SYTL3: variants seen among roughly 807,000 people sequenced by gnomAD.
SYTL3 encodes synaptotagmin like 3.
In SYTL3, 88 loss-of-function variants were observed where a neutral mutation model predicts 82.1. The observed-to-expected ratio is 1.07, with a 90% confidence interval of 0.90 to 1.28. The LOEUF is 1.28. Ranked by LOEUF, SYTL3 falls within the 50% of genes most tolerant of loss-of-function variation. The pLI is 0.00. For missense variants in SYTL3, 831 were observed against 757.6 expected, an observed-to-expected ratio of 1.10 and a Z score of -1.14; for synonymous variants, 311 against 289.4, an observed-to-expected ratio of 1.07 and a Z score of -0.76.
At chr6:158,734,720 G>A (rs1023634707) in intron 11 of SYTL3, among the ~76,000 whole-genome samples, 4 of 152,034 alleles carry the variant, frequency 2.6e-5, no homozygotes, top group Admixed American at 2.6e-4. Flanking sequence ...TCATCTGTTG[G>A]GTATTGTCTG....
intron 13 of SYTL3, among the ~76,000 whole-genome samples, chr6:158,754,093 G>A (rs558306522): frequency 1.0e-3 from 157 of 152,258 alleles, no homozygotes; most frequent in African/African-American, 3.4e-3. Context: ...GACCTGAGGT[G>A]AGCCATCAGA....
intron 6 of SYTL3, among the ~76,000 whole-genome samples, chr6:158,699,621 GACTC>G (rs1181973378): frequency 6.6e-6 from 1 of 152,042 alleles, no homozygotes; most frequent in African/African-American, 2.4e-5. Flanking sequence ...TAGAGGTTGT[GACTC>G]ACTTATTCTT....
At chr6:158,663,491 G>C (rs563983130) in intron 4 of SYTL3, 113 bp downstream of exon 4, 11 of 1,497,168 alleles carry the variant, frequency 7.3e-6, no homozygotes, top group South Asian at 2.6e-5. Context: ...CTGCTGCTGG[G>C]CTTCGTGCCT....
intron 5 of SYTL3, among the ~76,000 whole-genome samples, chr6:158,681,650 C>T (rs528682613): frequency 6.6e-6 from 1 of 152,268 alleles, no homozygotes; most frequent in South Asian, 2.1e-4. Context: ...TGCACTCCAG[C>T]CTGGGCCACC....
At chr6:158,684,236 A>C (rs961671004) in intron 6 of SYTL3, among the ~76,000 whole-genome samples, 2 of 152,234 alleles carry the variant, frequency 1.3e-5, no homozygotes, top group Non-Finnish European at 2.9e-5. Context: ...TCCGTAGAGC[A>C]AGTGGCTTTG....
Position 158,666,891 on chromosome 6 carries a change from C to T in SYTL3, c.329+1278C>T, listed in dbSNP as rs140772858. ...TGCATTCCGTCCATTTCGCTCACAG[C>T]GTGCCAAGTCGCACGGACGGTGGCC... On this transcript the variant is annotated intron_variant, in intron 5 of 17. Coordinates refer to ENST00000611299, the MANE Select transcript of SYTL3 (RefSeq NM_001242394.2). Among the ~76,000 whole-genome samples the T allele has an allele frequency of 2.2e-4, 33 of 152,338 alleles. No individual in the cohort carries two copies. In the East Asian group the frequency reaches 4.2e-3, roughly 20 times the overall value.
At chr6:158,699,951 A>G (rs1337140216) in intron 6 of SYTL3, among the ~76,000 whole-genome samples, 2 of 108,474 alleles carry the variant, frequency 1.8e-5, no homozygotes, top group Non-Finnish European at 2.0e-5. Context: ...TGTCTCAAAA[A>G]AAAGAATAAT....
At chr6:158,735,176 G>A (rs1160757238) in intron 11 of SYTL3, among the ~76,000 whole-genome samples, 2 of 152,070 alleles carry the variant, frequency 1.3e-5, no homozygotes, top group Non-Finnish European at 2.9e-5. Context: ...AGGGAGAGGT[G>A]GGGTGAGCAA....
intron 11 of SYTL3, among the ~76,000 whole-genome samples, chr6:158,738,895 C>T (rs1207242928): frequency 1.3e-5 from 2 of 152,170 alleles, no homozygotes; most frequent in Middle Eastern, 3.2e-3. Flanking sequence ...TGACCTCTAG[C>T]GATCCACCTG....
At chr6:158,671,106 T>C (rs1004072603) in intron 5 of SYTL3, among the ~76,000 whole-genome samples, 1 of 152,052 alleles carries the variant, frequency 6.6e-6, no homozygotes, top group Non-Finnish European at 1.5e-5. Context: ...GCCCGGCCTA[T>C]GGAGTACTTT....
At chr6:158,652,830 C>T (rs547071477) in intron 2 of SYTL3, among the ~76,000 whole-genome samples, 2 of 152,260 alleles carry the variant, frequency 1.3e-5, no homozygotes, top group South Asian at 2.1e-4. Context: ...CGTGAGCCAC[C>T]GCACCCAGCC....
At chr6:158,664,236 C>T (rs192339575) in intron 4 of SYTL3, among the ~76,000 whole-genome samples, 44 of 152,318 alleles carry the variant, frequency 2.9e-4, no homozygotes, top group Non-Finnish European at 4.3e-4. Flanking sequence ...CACTTGTAAA[C>T]TTTCTTCCAT....
At chr6:158,658,812 G>A (rs528929692) in intron 2 of SYTL3, among the ~76,000 whole-genome samples, 63 of 152,190 alleles carry the variant, frequency 4.1e-4, no homozygotes, top group African/African-American at 1.5e-3. Flanking sequence ...GCCTGTAGTC[G>A]CTACTACTCG....
chr6:158,665,614 G>T lies in SYTL3; in HGVS notation c.329+1G>T. The T allele has an allele frequency of 6.5e-7, 1 of 1,547,816 alleles. No individual in the cohort carries two copies. Among genetic ancestry groups the T allele is most frequent in the Non-Finnish European group, 8.8e-7 (1 of 1,142,460 alleles). ...AGTGCACGGTGTGCTTCGAGGACAG[G>T]TAAGCATGGCCGGTGGTTGGATCCC... On this transcript the variant is annotated splice_donor_variant, in intron 5 of 17. Coordinates refer to ENST00000611299, the MANE Select transcript of SYTL3 (RefSeq NM_001242394.2). LOFTEE classifies it high-confidence loss of function.
intron 11 of SYTL3, among the ~76,000 whole-genome samples, chr6:158,728,098 A>C (rs1321327673): frequency 2.0e-5 from 3 of 152,020 alleles, no homozygotes; most frequent in African/African-American, 7.2e-5. Flanking sequence ...TGTTTTTATA[A>C]TTTTGATGAA....
intron 5 of SYTL3, among the ~76,000 whole-genome samples, chr6:158,675,937 G>A (rs1300552822): frequency 4.6e-5 from 7 of 152,132 alleles, no homozygotes; most frequent in African/African-American, 1.2e-4. Context: ...GCGACAGAGC[G>A]AGACTCCATC....
At chr6:158,714,342 A>C (rs1258836877) in intron 9 of SYTL3, among the ~76,000 whole-genome samples, 1 of 151,332 alleles carries the variant, frequency 6.6e-6, no homozygotes, top group Non-Finnish European at 1.5e-5. Context: ...ACAGAGCAAG[A>C]CTCCGTCTCA....
chr6:158,735,275 A>G (rs1313267956), intron 11 of SYTL3, among the ~76,000 whole-genome samples: 5 of 152,178 alleles, frequency 3.3e-5, no homozygotes, highest in South Asian at 2.1e-4. Flanking sequence ...ATATGAGATT[A>G]TGCAATTCCC....
intron 6 of SYTL3, among the ~76,000 whole-genome samples, chr6:158,696,159 C>G (rs2128430909): frequency 6.6e-6 from 1 of 152,200 alleles, no homozygotes; most frequent in Admixed American, 6.5e-5. Context: ...TAGCAATGCA[C>G]AAGGGTTCCA....
Sources: allele counts gnomAD v4.1 joint callset (sites outside exome capture counted in the v4.1 genomes callset), GRCh38; gene constraint gnomAD v4.1.1; transcripts MANE v1.5; gene names NCBI Gene and HGNC (gene_info 2026-07-23, HGNC 2026-07-21).